The following CUBN variants were observed in gnomAD, a reference collection of about 807,000 sequenced individuals.
CUBN encodes cubilin.
A neutral mutation model predicts 405.3 loss-of-function variants in CUBN; 282 were observed. That is an observed-to-expected ratio of 0.70 (90% CI 0.63 to 0.77). The LOEUF (loss-of-function observed/expected upper bound fraction) is 0.77, where lower values mean the gene tolerates loss of function less well. Ranked by LOEUF, CUBN falls within the 30% of genes least tolerant of loss-of-function variation. The probability of loss-of-function intolerance (pLI) is 0.00; values close to 1 mark genes in which losing one functional copy is unlikely to be tolerated. For synonymous variants in CUBN, 1,684 were observed against 1,617.0 expected (o/e 1.04, Z -0.99); for missense variants, 4,514 against 4,475.2 (o/e 1.01, Z -0.25).
At chr10:16,974,312 A>T (rs376739808) in intron 31 of CUBN, among the ~76,000 whole-genome samples, 1 of 152,078 alleles carries the variant, frequency 6.6e-6, no homozygotes, top group African/African-American at 2.4e-5. Context: ...CACTGTGCTG[A>T]CTCACACTAT....
chr10:17,017,571 T>C (rs1168719930), intron 28 of CUBN, among the ~76,000 whole-genome samples: 1 of 152,078 alleles, frequency 6.6e-6, no homozygotes, highest in Non-Finnish European at 1.5e-5. Context: ...CTTATATGAA[T>C]AGGAAGGATA....
chr10:16,834,970 A>G (rs1429053014), intron 64 of CUBN, 44 bp downstream of exon 64: 2 of 1,564,760 alleles, frequency 1.3e-6, no homozygotes, highest in East Asian at 2.2e-5. Flanking sequence ...GTGATCCACC[A>G]TCTTTTAAAT....
Position 16,824,859 on chromosome 10 carries a change from C to A in CUBN, c.*116G>T. Reference sequence around the variant, plus strand: ...TTCTATCCATGGTTTGGTGAAAAACCATACAAGTTCAGCTTATTCTCTGTG... The same window carrying A: ...TTCTATCCATGGTTTGGTGAAAAACAATACAAGTTCAGCTTATTCTCTGTG... On this transcript the variant is annotated 3_prime_UTR_variant, in exon 67 of 67. Coordinates refer to ENST00000377833, the MANE Select transcript of CUBN (RefSeq NM_001081.4). 1.3e-6 allele frequency: 1 copy of A among 779,148 alleles called. No individual in the cohort carries two copies. Among genetic ancestry groups the A allele is most frequent in the Non-Finnish European group, 2.2e-6 (1 of 447,726 alleles). The allele number at this position is 779,148 out of a possible 1,614,324, so 48.3% of individuals were successfully genotyped here. A position where few individuals can be genotyped will look rare whatever the true frequency, so the allele number is the denominator to read the frequency against.
intron 39 of CUBN, among the ~76,000 whole-genome samples, chr10:16,933,648 C>A (rs1006515182): frequency 6.6e-6 from 1 of 151,720 alleles, no homozygotes; most frequent in African/African-American, 2.4e-5. Context: ...ATCATTTTTG[C>A]GTAGTTACTT....
rs145023719 is a variant in CUBN, at chr10:16,836,310, T to C, written c.10105A>G (p.Ser3369Gly). The C allele has an allele frequency of 1.1e-4, 175 of 1,613,444 alleles. No individual in the cohort carries two copies. In the African/African-American group the frequency reaches 2.2e-3, roughly 20 times the overall value. ...SAVPVFYSSM[S>G]TAMVIFKSGV... The stretch of plus-strand genomic sequence containing the variant: ...GATTTGAAAATGACCATTGCAGTAC[T>C]CATAGAAGAATAAAACACTGGCACA... The change falls in exon 63 of 67, where the codon AGT becomes GGT. Residue 3369 changes from serine (S) to glycine (G), a missense_variant. Physicochemically the swap from Ser to Gly is moderately conservative, Grantham distance 56 (BLOSUM62 0). Coordinates refer to ENST00000377833, the MANE Select transcript of CUBN (RefSeq NM_001081.4).
At chr10:17,124,556 G>A (rs1837126146) in intron 4 of CUBN, among the ~76,000 whole-genome samples, 2 of 151,688 alleles carry the variant, frequency 1.3e-5, no homozygotes, top group South Asian at 4.2e-4. Context: ...AGCCTCCTAA[G>A]TAGCTGGGAC....
rs145355417 is a variant in CUBN, at chr10:16,920,019, C to T, written c.6765G>A (p.Pro2255=). ...CAAATTGCAGCTGTATGCGTGTTTC[C>T]GGTGGAGCCGCTAAGATCCAAATGC... is the stretch of plus-strand genomic sequence containing the variant. ...ADCIWILAAP[P]ETRIQLQFED... is the part of the protein sequence containing the mutation. The change falls in exon 44 of 67, where the codon CCG becomes CCA. Residue 2255 remains proline, a synonymous_variant. Coordinates refer to ENST00000377833, the MANE Select transcript of CUBN (RefSeq NM_001081.4). 4.4e-5 allele frequency: 71 copies of T among 1,613,830 alleles called. No individual in the cohort carries two copies. The African/African-American group carries it at 7.5e-4, about 17-fold the overall frequency.
intron 14 of CUBN, among the ~76,000 whole-genome samples, chr10:17,092,122 AC>A (rs1282338249): frequency 1.3e-5 from 2 of 152,184 alleles, no homozygotes; most frequent in Non-Finnish European, 2.9e-5. Context: ...TAGGAAACAG[AC>A]TGTAGCACCA....
chr10:17,051,799 CAA>C (rs992525516), intron 22 of CUBN, among the ~76,000 whole-genome samples: 3 of 150,302 alleles, frequency 2.0e-5, no homozygotes, highest in African/African-American at 7.3e-5. Flanking sequence ...TTTAAAAAAA[CAA>C]AGAAAAAACA....
chr10:16,917,037 C>T (rs1474078502), intron 45 of CUBN, among the ~76,000 whole-genome samples: 1 of 152,062 alleles, frequency 6.6e-6, no homozygotes, highest in Non-Finnish European at 1.5e-5. Context: ...TGGTCTTGAA[C>T]TCCTGACCTC....
Position 16,873,721 on chromosome 10 carries a change from C to CAAA in CUBN, c.9236+650_9236+652dup, listed in dbSNP as rs56307605. On this transcript the variant is annotated intron_variant, in intron 58 of 66. Transcript: ENST00000377833. ...TGGGTGACAAAGTGAGACCTTCTCT[C>CAAA]AAAAAAAAAAAAAAAAGAAAAGAAA... Among the ~76,000 whole-genome samples, 24 of 116,454 alleles carry CAAA rather than the reference C, an allele frequency of 2.1e-4. No homozygotes were observed. The South Asian group carries it at 5.7e-3, about 28-fold the overall frequency. The allele number at this position is 116,454 out of a possible 152,430, so 76.4% of individuals were successfully genotyped here. A position where few individuals can be genotyped will look rare whatever the true frequency, so the allele number is the denominator to read the frequency against.
Position 17,020,015 on chromosome 10 carries a change from A to G in CUBN, c.4018-32T>C, listed in dbSNP as rs767780048. ...TTGAAGAGAAACTTTCCCATATAAA[A>G]ACACATGGTTTGTGGGATGGAAAAA... On this transcript the variant is annotated intron_variant, in intron 27 of 66. Coordinates refer to ENST00000377833, the MANE Select transcript of CUBN (RefSeq NM_001081.4). 7 of 1,613,354 alleles carry G rather than the reference A, an allele frequency of 4.3e-6. No individual in the cohort carries two copies. The South Asian group carries it at 6.6e-5, about 15-fold the overall frequency.
chr10:17,019,207 T>C (rs972173542), intron 28 of CUBN, among the ~76,000 whole-genome samples: 2 of 152,206 alleles, frequency 1.3e-5, no homozygotes, highest in Admixed American at 1.3e-4. Flanking sequence ...TTCAGATCTC[T>C]TGTTAAAGAA....
intron 56 of CUBN, among the ~76,000 whole-genome samples, chr10:16,886,056 T>G (rs1390615325): frequency 2.0e-5 from 3 of 152,206 alleles, no homozygotes; most frequent in South Asian, 4.1e-4. Flanking sequence ...CCCTCAAGCC[T>G]TCATATATCA....
intron 58 of CUBN, among the ~76,000 whole-genome samples, chr10:16,871,914 A>G (rs1340132984): frequency 6.6e-6 from 1 of 152,158 alleles, no homozygotes; most frequent in African/African-American, 2.4e-5. Context: ...TTAGTGCGCA[A>G]TAAATAATTT....
intron 9 of CUBN, 85 bp from the exon 10 acceptor site, chr10:17,109,820 A>T: frequency 9.6e-7 from 1 of 1,039,554 alleles, no homozygotes; most frequent in Non-Finnish European, 1.5e-6. Flanking sequence ...ATATCATGAA[A>T]TGGACCAATC....
chr10:17,122,944 G>A (rs574685176), intron 5 of CUBN, 46 bp from the exon 6 acceptor site: 3 of 1,315,542 alleles, frequency 2.3e-6, no homozygotes, highest in South Asian at 2.4e-5. Context: ...GGTCACAGAG[G>A]TATCTGGAGC....
intron 31 of CUBN, 23 bp downstream of exon 31, chr10:16,982,461 T>C: frequency 1.2e-6 from 2 of 1,602,730 alleles, no homozygotes; most frequent in Non-Finnish European, 1.7e-6. Context: ...CTGGAGACAA[T>C]GCTTGAAATT....
rs191597961 is a variant in CUBN at position 16,989,115 on chromosome 10, G to T, written c.4350+1219C>A. Among the ~76,000 whole-genome samples, 339 of 152,180 alleles carry T rather than the reference G, an allele frequency of 2.2e-3. 2 individuals carry two copies. Among genetic ancestry groups the T allele is most frequent in the African/African-American group, 7.7e-3 (319 of 41,522 alleles). The stretch of plus-strand genomic sequence containing the variant: ...GTAAAACAAAGCAAACAAACATCTA[G>T]CCTCATGGAATTTAGGTTCTACTGG... On this transcript the variant is annotated intron_variant, in intron 29 of 66. Coordinates refer to ENST00000377833, the MANE Select transcript of CUBN (RefSeq NM_001081.4).
Sources: gnomAD v4.1 joint callset for allele counts (sites outside exome capture counted in the v4.1 genomes callset) on GRCh38, gnomAD v4.1.1 for gene constraint, MANE v1.5 for transcripts, NCBI Gene and HGNC (gene_info 2026-07-23, HGNC 2026-07-21) for gene names.